MAN2A1: variants seen among roughly 807,000 people sequenced by gnomAD.
The protein encoded by MAN2A1 is alpha-mannosidase 2.
In MAN2A1, 76 loss-of-function variants were observed where a neutral mutation model predicts 142.6. That is an observed-to-expected ratio of 0.53 (90% confidence interval 0.44 to 0.65). The LOEUF is 0.65. MAN2A1 is among the 30% of genes least tolerant of loss of function. MAN2A1 has a pLI of 0.00. For synonymous variants in MAN2A1, 559 were observed against 473.2 expected (o/e 1.18, Z -2.35); for missense variants, 1,311 against 1,365.1 (o/e 0.96, Z 0.62).
intron 12 of MAN2A1, among the ~76,000 whole-genome samples, chr5:109,793,960 G>A (rs1753798569): frequency 6.6e-6 from 1 of 152,040 alleles, no homozygotes; most frequent in South Asian, 2.1e-4. Flanking sequence ...TGGGATTCAA[G>A]GCTAGCTTTT....
intron 12 of MAN2A1, among the ~76,000 whole-genome samples, chr5:109,806,403 C>T (rs964854156): frequency 1.3e-5 from 2 of 152,186 alleles, no homozygotes; most frequent in African/African-American, 4.8e-5. Context: ...TAAGTGCTAG[C>T]TGTTGGTATT....
chr5:109,789,338 ATTTAAC>A (rs2112678639), intron 11 of MAN2A1, 116 bp from the exon 12 acceptor site: 1 of 599,064 alleles, frequency 1.7e-6, no homozygotes, highest in African/African-American at 1.9e-5. Flanking sequence ...ACCCCTTGAT[ATTTAAC>A]TTTTTATAAG....
chr5:109,738,904 TATG>T (rs755675189), intron 4 of MAN2A1, among the ~76,000 whole-genome samples: 61 of 152,234 alleles, frequency 4.0e-4, no homozygotes, highest in Non-Finnish European at 5.4e-4. Context: ...AGTGCAGTGG[TATG>T]ATCACAGCTC....
intron 20 of MAN2A1, among the ~76,000 whole-genome samples, chr5:109,855,934 A>G (rs1755594607): frequency 6.6e-6 from 1 of 152,204 alleles, no homozygotes; most frequent in East Asian, 1.9e-4. Context: ...AGCTGTTTTG[A>G]TATTGCAAAT....
chr5:109,778,525 C>T (rs1457707369), intron 8 of MAN2A1, among the ~76,000 whole-genome samples: 1 of 152,040 alleles, frequency 6.6e-6, no homozygotes, highest in Non-Finnish European at 1.5e-5. Context: ...TTATATTCCT[C>T]ATTTACAGAG....
In MAN2A1 at chr5:109,690,356, T is replaced by C; in HGVS notation, c.-62T>C. 4 of 1,593,810 alleles carry C rather than the reference T, an allele frequency of 2.5e-6. No individual in the cohort carries two copies. Among genetic ancestry groups the C allele is most frequent in the South Asian group, 1.1e-5 (1 of 90,632 alleles). ...AGCCTCCGGCGGCTGCTTCCTAGAG[T>C]CCACAGTGCGCTGTCTCCTTTGGCT... On this transcript the variant is annotated 5_prime_UTR_variant, in exon 1 of 22. Coordinates refer to ENST00000261483, the MANE Select transcript of MAN2A1 (RefSeq NM_002372.4).
intron 12 of MAN2A1, among the ~76,000 whole-genome samples, chr5:109,802,912 C>T (rs1754068706): frequency 6.6e-6 from 1 of 151,902 alleles, no homozygotes; most frequent in Non-Finnish European, 1.5e-5. Context: ...TTGCATCAGG[C>T]AGTTTAAAGT....
intron 19 of MAN2A1, among the ~76,000 whole-genome samples, chr5:109,853,188 TTCTAAAGGGAGC>T (rs1328693604): frequency 1.3e-5 from 2 of 152,190 alleles, no homozygotes; most frequent in African/African-American, 4.8e-5. Flanking sequence ...TATCTTTTGA[TTCTAAAGGGAGC>T]TCTGTTTTCT....
Position 109,690,363 on chromosome 5 carries a change from T to C in MAN2A1, c.-55T>C. On this transcript the variant is annotated 5_prime_UTR_variant, in exon 1 of 22. Coordinates refer to ENST00000261483, the MANE Select transcript of MAN2A1 (RefSeq NM_002372.4). ...GGCGGCTGCTTCCTAGAGTCCACAGTGCGCTGTCTCCTTTGGCTGAGGAGA... is the reference window on the plus strand; with the variant it reads ...GGCGGCTGCTTCCTAGAGTCCACAGCGCGCTGTCTCCTTTGGCTGAGGAGA... 2 of 1,603,672 alleles carry C rather than the reference T, an allele frequency of 1.2e-6. No individual in the cohort carries two copies. The highest frequency in any genetic ancestry group is 1.7e-6 in the Non-Finnish European group (2 of 1,170,738).
intron 12 of MAN2A1, among the ~76,000 whole-genome samples, chr5:109,810,109 T>G (rs1754276969): frequency 6.6e-6 from 1 of 152,140 alleles, no homozygotes; most frequent in Admixed American, 6.5e-5. Flanking sequence ...GTCCTCTACT[T>G]GATTCATGTT....
At chr5:109,772,490 C>G (rs933546144) in intron 7 of MAN2A1, among the ~76,000 whole-genome samples, 2 of 152,120 alleles carry the variant, frequency 1.3e-5, no homozygotes, top group Admixed American at 6.6e-5. Flanking sequence ...CACAGGCATT[C>G]CAGCTCATTG....
intron 20 of MAN2A1, chr5:109,863,437 A>G (rs540849672): frequency 2.6e-5 from 4 of 152,354 alleles, no homozygotes; most frequent in African/African-American, 9.6e-5. Context: ...ATTGCAGAGC[A>G]AGGATCCAGA....
intron 15 of MAN2A1, among the ~76,000 whole-genome samples, chr5:109,822,463 A>G (rs1754651376): frequency 6.6e-6 from 1 of 152,182 alleles, no homozygotes; most frequent in African/African-American, 2.4e-5. Flanking sequence ...TACAGAGAGA[A>G]AATAAAAAAC....
chr5:109,765,895 A>G (rs1248521460), intron 5 of MAN2A1, among the ~76,000 whole-genome samples: 3 of 152,040 alleles, frequency 2.0e-5, no homozygotes, highest in African/African-American at 4.8e-5. Context: ...ACGCAAGAAT[A>G]TATTCCAGGC....
intron 5 of MAN2A1, among the ~76,000 whole-genome samples, chr5:109,757,101 T>C (rs10223076): frequency 0.11 from 16,265 of 152,188 alleles, 1,249 homozygotes; most frequent in African/African-American, 0.23. Flanking sequence ...TTTTTCCTTT[T>C]GCAGATTTTT....
At chr5:109,751,040 A>G (rs1582858215) in intron 4 of MAN2A1, among the ~76,000 whole-genome samples, 1 of 151,858 alleles carries the variant, frequency 6.6e-6, no homozygotes, top group East Asian at 1.9e-4. Flanking sequence ...AACTATAGTC[A>G]CCCTACTCTG....
chr5:109,852,509 C>T (rs1755509822), intron 19 of MAN2A1, among the ~76,000 whole-genome samples: 2 of 152,118 alleles, frequency 1.3e-5, no homozygotes, highest in Admixed American at 1.3e-4. Flanking sequence ...TAATAAAGGG[C>T]ACCAAGAAGT....
chr5:109,842,429 A>G lies in MAN2A1; in HGVS notation c.2668A>G (p.Asn890Asp). 6.3e-7 allele frequency: 1 copy of G among 1,583,616 alleles called. No homozygotes were observed. The highest frequency in any genetic ancestry group is 8.7e-7 in the Non-Finnish European group (1 of 1,154,618). ...AATTTCTTCTGATATAAAAAGCCAA[A>G]ATAGATTTTATACTGACCTAAATGG... ...MKISSDIKSQNRFYTDLNGYQ... is the reference protein window; with the variant it reads ...MKISSDIKSQDRFYTDLNGYQ... The change falls in exon 17 of 22, where the codon AAT becomes GAT. Residue 890 changes from asparagine (N) to aspartate (D), a missense_variant. Asn to Asp is a conservative substitution (Grantham distance 23, BLOSUM62 1). Transcript: ENST00000261483.
At chr5:109,844,594 T>C (rs537607898) in intron 17 of MAN2A1, among the ~76,000 whole-genome samples, 4 of 152,324 alleles carry the variant, frequency 2.6e-5, no homozygotes, top group African/African-American at 9.6e-5. Flanking sequence ...TTCACAGTTC[T>C]GGAGACTAGA....
Sources: gnomAD v4.1 joint callset for allele counts (sites outside exome capture counted in the v4.1 genomes callset) on GRCh38, gnomAD v4.1.1 for gene constraint, MANE v1.5 for transcripts, NCBI Gene and HGNC (gene_info 2026-07-23, HGNC 2026-07-21) for gene names.